VPS13B: variants seen among roughly 807,000 people sequenced by gnomAD.
VPS13B encodes the protein intermembrane lipid transfer protein VPS13B.
VPS13B carries 285 observed loss-of-function variants against 426.4 expected under a neutral mutation model. The observed-to-expected ratio is 0.67, with a 90% confidence interval of 0.61 to 0.74. VPS13B has a LOEUF of 0.74. Ranked by LOEUF, VPS13B falls within the 30% of genes least tolerant of loss-of-function variation. The probability of loss-of-function intolerance (pLI) is 0.00; values close to 1 mark genes in which losing one functional copy is unlikely to be tolerated. For missense variants in VPS13B, 4,537 were observed against 4,782.6 expected (o/e 0.95, Z 1.51); for synonymous variants, 1,676 against 1,676.4 (o/e 1.00, Z 0.01).
chr8:99,623,553 T>C (rs927631156), intron 33 of VPS13B, among the ~76,000 whole-genome samples: 2 of 152,140 alleles, frequency 1.3e-5, no homozygotes, highest in Non-Finnish European at 2.9e-5. Context: ...TACTAATTTG[T>C]TGAATAAGTA....
rs1816414531 is a variant in VPS13B, at chr8:99,853,810, A to G, written c.10421A>G (p.Glu3474Gly). The change falls in exon 56 of 62, where the codon GAA becomes GGA. Residue 3474 changes from glutamate (E) to glycine (G), a missense_variant. This residue lies in a region of VPS13B where 4,311 missense variants were observed against 4,474.3 expected (regional missense o/e 0.96). Coordinates refer to ENST00000357162, the MANE Select transcript of VPS13B (RefSeq NM_152564.5). ...AACAAAGAGTTGGAAGAATACAAGG[A>G]AAAATGTTTTATCAAACTTTGCATC... ...ISNKELEEYKEKCFIKLCITL... is the reference protein window; with the variant it reads ...ISNKELEEYKGKCFIKLCITL... 1 of 1,614,274 alleles carries G rather than the reference A, an allele frequency of 6.2e-7. No individual in the cohort carries two copies. Among genetic ancestry groups the G allele is most frequent in the Non-Finnish European group, 8.5e-7 (1 of 1,180,056 alleles).
At chr8:99,462,382 C>T (rs1488479268) in intron 23 of VPS13B, among the ~76,000 whole-genome samples, 1 of 151,962 alleles carries the variant, frequency 6.6e-6, no homozygotes, top group Non-Finnish European at 1.5e-5. Flanking sequence ...TTGATTCCTT[C>T]TTAAATACCT....
intron 3 of VPS13B, among the ~76,000 whole-genome samples, chr8:99,074,700 A>G (rs540061814): frequency 3.3e-5 from 5 of 151,984 alleles, no homozygotes; most frequent in African/African-American, 1.2e-4. Context: ...CAGTGGTGCA[A>G]TCTCAGCTCA....
rs141494154 is a variant in VPS13B at position 99,584,939 on chromosome 8, A to G, written c.5220+7306A>G. Among the ~76,000 whole-genome samples the G allele has an allele frequency of 1.7e-4, 26 of 152,324 alleles. No homozygotes were observed. The East Asian group carries it at 4.0e-3, about 24-fold the overall frequency. ...AATATTTGGAACTACCTCAAAATAT[A>G]AATACACCTACTCGTGTGCAGAGAT... On this transcript the variant is annotated intron_variant, in intron 33 of 61. Coordinates refer to ENST00000357162, the MANE Select transcript of VPS13B (RefSeq NM_152564.5).
intron 39 of VPS13B, among the ~76,000 whole-genome samples, chr8:99,764,464 A>AGT (rs771137534): frequency 4.7e-5 from 6 of 127,254 alleles, no homozygotes; most frequent in Non-Finnish European, 7.7e-5. Context: ...CCCAGGCTGG[A>AGT]GTGCAGTGGC....
At chr8:99,680,393 C>A (rs1285793882) in intron 35 of VPS13B, among the ~76,000 whole-genome samples, 1 of 152,128 alleles carries the variant, frequency 6.6e-6, no homozygotes, top group Non-Finnish European at 1.5e-5. Context: ...TTCATTATTA[C>A]AATGTGATAC....
chr8:99,476,438 C>A, intron 24 of VPS13B, among the ~76,000 whole-genome samples: 1 of 148,270 alleles, frequency 6.7e-6, no homozygotes. Flanking sequence ...ATGCAGTAAG[C>A]AAATTCTTAT....
intron 33 of VPS13B, among the ~76,000 whole-genome samples, chr8:99,584,051 G>A (rs1337626381): frequency 2.0e-5 from 3 of 151,990 alleles, no homozygotes; most frequent in Non-Finnish European, 2.9e-5. Context: ...TTGTAACCAG[G>A]CAATAAACAC....
chr8:99,360,188 T>TTCTC lies in VPS13B; in HGVS notation c.2825-24000_2825-23997dup, dbSNP rs778981940. On this transcript the variant is annotated intron_variant, in intron 19 of 61. Transcript: ENST00000357162. ...TTTCTTTCTTTCTTTCTTTCTTTCT[T>TTCTC]TCTCTCTCTCTCTCTCTCTCTCTTT... Among the ~76,000 whole-genome samples the TTCTC allele has an allele frequency of 1.7e-3, 49 of 28,042 alleles. 2 individuals carry two copies. The highest frequency in any genetic ancestry group is 2.9e-3 in the East Asian group (4 of 1,362). 18.4% of individuals were successfully genotyped at this position (28,042 alleles called of 152,430 possible).
At chr8:99,748,199 C>A (rs1477359525) in intron 39 of VPS13B, among the ~76,000 whole-genome samples, 1 of 152,006 alleles carries the variant, frequency 6.6e-6, no homozygotes, top group Non-Finnish European at 1.5e-5. Context: ...ATCTTTTCCA[C>A]ATTACATTCT....
intron 16 of VPS13B, among the ~76,000 whole-genome samples, chr8:99,180,120 T>C (rs1812867562): frequency 6.6e-6 from 1 of 152,186 alleles, no homozygotes; most frequent in Non-Finnish European, 1.5e-5. Context: ...AGTAGATGAA[T>C]TGTCTGTTTT....
chr8:99,871,245 A>ATCTT, intron 60 of VPS13B: 2 of 792,096 alleles, frequency 2.5e-6, no homozygotes, highest in South Asian at 1.7e-5. Context: ...ACCAAGGGAA[A>ATCTT]TCTTTGTTCC....
chr8:99,749,940 A>G (rs1810309857), intron 39 of VPS13B, among the ~76,000 whole-genome samples: 1 of 152,068 alleles, frequency 6.6e-6, no homozygotes, highest in Non-Finnish European at 1.5e-5. Context: ...AAGTAGTTTT[A>G]TGTGTCATGA....
chr8:99,778,002 C>T lies in VPS13B; in HGVS notation c.7430-680C>T, dbSNP rs550329684. On this transcript the variant is annotated intron_variant, in intron 41 of 61. Transcript: ENST00000357162. ...ATCCCAACACTTTGGGAGGCCGAGG[C>T]GGGTGGATCACCATGTCAGGAGATT... Among the ~76,000 whole-genome samples the T allele has an allele frequency of 6.6e-5, 10 of 152,096 alleles. 1 individual carries two copies. The highest frequency in any genetic ancestry group is 1.7e-4 in the African/African-American group (7 of 41,510).
intron 19 of VPS13B, among the ~76,000 whole-genome samples, chr8:99,349,351 A>AAAAAG: frequency 6.7e-6 from 1 of 148,760 alleles, no homozygotes; most frequent in Non-Finnish European, 1.5e-5. Context: ...AAAAAAAAAA[A>AAAAAG]AAAAGAAAAT....
At chr8:99,496,563 A>G (rs1012287926) in intron 25 of VPS13B, among the ~76,000 whole-genome samples, 2 of 152,260 alleles carry the variant, frequency 1.3e-5, no homozygotes, top group Admixed American at 6.5e-5. Context: ...AGGCAGGAGA[A>G]TGGCGTGAAC....
chr8:99,116,008 G>T, intron 7 of VPS13B, 134 bp downstream of exon 7: 1 of 941,262 alleles, frequency 1.1e-6, no homozygotes, highest in African/African-American at 1.7e-5. Flanking sequence ...TTTTTTGGTT[G>T]TTTTACACTA....
intron 33 of VPS13B, among the ~76,000 whole-genome samples, chr8:99,602,824 G>A (rs1827379513): frequency 6.6e-6 from 1 of 152,186 alleles, no homozygotes; most frequent in Non-Finnish European, 1.5e-5. Context: ...ACTTATAAGG[G>A]ATGTGAAGGA....
chr8:99,214,962 C>T (rs760932582), intron 17 of VPS13B, among the ~76,000 whole-genome samples: 3 of 152,038 alleles, frequency 2.0e-5, no homozygotes, highest in Non-Finnish European at 4.4e-5. Context: ...CTGCAATGCC[C>T]ATGTCTCTCT....
Sources: gnomAD v4.1 joint callset for allele counts (sites outside exome capture counted in the v4.1 genomes callset) on GRCh38, gnomAD v4.1.1 for gene constraint, gnomAD v4.1.1 regional missense constraint, MANE v1.5 for transcripts, NCBI Gene and HGNC (gene_info 2026-07-23, HGNC 2026-07-21) for gene names.